The following TENM4 variants were observed in gnomAD, a reference collection of about 807,000 sequenced individuals.
TENM4 encodes the protein teneurin-4.
TENM4 carries 82 observed loss-of-function variants against 243.3 expected under a neutral mutation model. The ratio of observed to expected loss-of-function variants is 0.34; its 90% CI spans 0.28 to 0.40. The LOEUF (loss-of-function observed/expected upper bound fraction) is 0.40, where lower values mean the gene tolerates loss of function less well. Ranked by LOEUF, TENM4 falls within the 10% of genes least tolerant of loss-of-function variation. The probability of loss-of-function intolerance (pLI) is 1.00; values close to 1 mark genes in which losing one functional copy is unlikely to be tolerated. For synonymous variants in TENM4, 1,412 were observed against 1,456.3 expected, an observed-to-expected ratio of 0.97 and a Z score of 0.69; for missense variants, 3,138 against 3,673.3, an observed-to-expected ratio of 0.85 and a Z score of 3.77.
At chr11:79,003,911 A>G in intron 6 of TENM4, among the ~76,000 whole-genome samples, 1 of 152,020 alleles carries the variant, frequency 6.6e-6, no homozygotes, top group South Asian at 2.1e-4. Flanking sequence ...TATGGCACCC[A>G]CAGGCTTAAA....
chr11:78,869,529 G>A (rs539870086), intron 9 of TENM4, among the ~76,000 whole-genome samples: 3 of 152,144 alleles, frequency 2.0e-5, no homozygotes, highest in Non-Finnish European at 2.9e-5. Flanking sequence ...TGGGGGAGGG[G>A]TCCTGACTTT....
intron 32 of TENM4, among the ~76,000 whole-genome samples, chr11:78,668,275 C>T (rs1278892903): frequency 6.6e-6 from 1 of 151,944 alleles, no homozygotes; most frequent in Non-Finnish European, 1.5e-5. Context: ...TTAGCTAGGA[C>T]TCTTTTTTTA....
chr11:79,377,397 C>G (rs756814833), intron 1 of TENM4, among the ~76,000 whole-genome samples: 24 of 152,200 alleles, frequency 1.6e-4, no homozygotes, highest in Admixed American at 3.3e-4. Context: ...GTCATCCCAG[C>G]TCTGAAACTC....
At chr11:78,902,651 T>C (rs1273509748) in intron 7 of TENM4, among the ~76,000 whole-genome samples, 1 of 152,214 alleles carries the variant, frequency 6.6e-6, no homozygotes, top group African/African-American at 2.4e-5. Flanking sequence ...CATAGAGGTA[T>C]GAGGATTACA....
intron 27 of TENM4, among the ~76,000 whole-genome samples, chr11:78,702,917 A>C (rs2135770802): frequency 6.6e-6 from 1 of 152,334 alleles, no homozygotes; most frequent in East Asian, 1.9e-4. Context: ...AAGATTCTTC[A>C]TACATGGTTG....
chr11:79,244,622 T>C (rs2135289023), intron 2 of TENM4, among the ~76,000 whole-genome samples: 1 of 152,324 alleles, frequency 6.6e-6, no homozygotes, highest in African/African-American at 2.4e-5. Flanking sequence ...AGCTTCCTGC[T>C]TGTTGGGTCT....
chr11:78,969,808 C>T (rs1399257830), intron 6 of TENM4, among the ~76,000 whole-genome samples: 1 of 152,080 alleles, frequency 6.6e-6, no homozygotes, highest in Admixed American at 6.5e-5. Flanking sequence ...TAACTGGCAG[C>T]CCTGTAATTT....
At chr11:78,852,190 A>T (rs1476230373) in intron 12 of TENM4, among the ~76,000 whole-genome samples, 1 of 152,220 alleles carries the variant, frequency 6.6e-6, no homozygotes, top group Non-Finnish European at 1.5e-5. Flanking sequence ...GTACAAAGTG[A>T]TAATTTCTAC....
At chr11:79,138,194 T>C (rs1862149553) in intron 4 of TENM4, among the ~76,000 whole-genome samples, 1 of 149,810 alleles carries the variant, frequency 6.7e-6, no homozygotes. Context: ...CCCTCAAATA[T>C]CGGACTCCAA....
intron 1 of TENM4, among the ~76,000 whole-genome samples, chr11:79,314,779 C>G (rs1856777867): frequency 6.6e-6 from 1 of 152,164 alleles, no homozygotes; most frequent in Non-Finnish European, 1.5e-5. Context: ...CAGGGTAATG[C>G]AGTGATTCTC....
intron 4 of TENM4, among the ~76,000 whole-genome samples, chr11:79,071,822 T>G (rs1449871455): frequency 6.6e-6 from 1 of 152,186 alleles, no homozygotes; most frequent in African/African-American, 2.4e-5. Flanking sequence ...TATAGTCTCC[T>G]GCCTAAGGCC....
At chr11:79,375,075 A>C (rs1177334521) in intron 1 of TENM4, among the ~76,000 whole-genome samples, 1 of 152,176 alleles carries the variant, frequency 6.6e-6, no homozygotes, top group Admixed American at 6.5e-5. Flanking sequence ...CATAATAAGG[A>C]TTATTCTAAA....
chr11:78,749,543 C>G (rs1856133431), intron 19 of TENM4, among the ~76,000 whole-genome samples: 1 of 152,042 alleles, frequency 6.6e-6, no homozygotes, highest in South Asian at 2.1e-4. Context: ...TGTCTAAAGC[C>G]TGGGTGGAGG....
intron 1 of TENM4, among the ~76,000 whole-genome samples, chr11:79,392,459 A>T (rs1858254471): frequency 6.6e-6 from 1 of 152,220 alleles, no homozygotes; most frequent in Non-Finnish European, 1.5e-5. Flanking sequence ...TGCTAGTGAA[A>T]GTCCCTTTAG....
chr11:78,712,810 G>A, intron 25 of TENM4, 96 bp from the exon 26 acceptor site: 1 of 1,169,898 alleles, frequency 8.5e-7, no homozygotes, highest in Non-Finnish European at 1.2e-6. Flanking sequence ...TAGAATCCAA[G>A]CAAAAATATC....
chr11:79,069,846 T>A lies in TENM4; in HGVS notation c.99A>T (p.Lys33Asn), dbSNP rs763822977. The A allele has an allele frequency of 3.5e-5, 54 of 1,550,706 alleles. No individual in the cohort carries two copies. The highest frequency in any genetic ancestry group is 4.7e-5 in the Non-Finnish European group (54 of 1,146,888). ...TSSSADSEEG[K>N]APQKSYSSSE... is the part of the protein sequence containing the mutation. ...TGGAGCTGTACGATTTCTGCGGGGCTTTGCCCTCCTCGCTGTCCGCGGACG... is the reference window on the plus strand; with the variant it reads ...TGGAGCTGTACGATTTCTGCGGGGCATTGCCCTCCTCGCTGTCCGCGGACG... Residue 33 changes from lysine to asparagine, a missense_variant, in exon 5 of 34, where the codon AAA (lysine) becomes AAT (asparagine). Lys to Asn is a moderately conservative substitution (Grantham distance 94, BLOSUM62 0). Coordinates refer to ENST00000278550, the MANE Select transcript of TENM4 (RefSeq NM_001098816.3).
chr11:79,433,996 G>A (rs2135618954), intron 1 of TENM4, among the ~76,000 whole-genome samples: 1 of 152,254 alleles, frequency 6.6e-6, no homozygotes, highest in Non-Finnish European at 1.5e-5. Context: ...GCTGAGCATG[G>A]GGGCACCTTG....
intron 2 of TENM4, among the ~76,000 whole-genome samples, chr11:79,297,218 C>A (rs1202767139): frequency 1.3e-5 from 2 of 152,122 alleles, no homozygotes; most frequent in Non-Finnish European, 2.9e-5. Flanking sequence ...AGAGAAAGAC[C>A]CAATGTTGGC....
chr11:78,724,767 A>G (rs1855477264), intron 23 of TENM4, among the ~76,000 whole-genome samples: 1 of 152,250 alleles, frequency 6.6e-6, no homozygotes. Context: ...AATGGCATGT[A>G]AGTAAAAGTG....
Sources: allele counts gnomAD v4.1 joint callset (sites outside exome capture counted in the v4.1 genomes callset), GRCh38; gene constraint gnomAD v4.1.1; transcripts MANE v1.5; gene names NCBI Gene and HGNC (gene_info 2026-07-23, HGNC 2026-07-21).